Variants in PDE1C observed in about 807,000 individuals in gnomAD.
PDE1C encodes the protein phosphodiesterase 1C, also known as dual specificity calcium/calmodulin-dependent 3',5'-cyclic nucleotide phosphodiesterase 1C.
In PDE1C, 62 loss-of-function variants were observed where a neutral mutation model predicts 93.1. That is an observed-to-expected ratio of 0.67 (90% CI 0.54 to 0.82). PDE1C has a LOEUF of 0.82. Among genes scored for constraint, PDE1C ranks in the 40% least tolerant of loss-of-function variants. The probability of loss-of-function intolerance (pLI) is 0.00; values close to 1 mark genes in which losing one functional copy is unlikely to be tolerated. For synonymous variants in PDE1C, 325 were observed against 310.1 expected, an observed-to-expected ratio of 1.05 and a Z score of -0.50; for missense variants, 742 against 884.6, an observed-to-expected ratio of 0.84 and a Z score of 2.04.
chr7:32,286,161 C>T (rs542092299), intron 1 of PDE1C, among the ~76,000 whole-genome samples: 5 of 152,236 alleles, frequency 3.3e-5, no homozygotes, highest in South Asian at 2.1e-4. Flanking sequence ...CTCAGTTTCC[C>T]GCTTATAAAG....
At chr7:32,318,378 A>G (rs930976425) in intron 1 of PDE1C, among the ~76,000 whole-genome samples, 6 of 152,170 alleles carry the variant, frequency 3.9e-5, no homozygotes, top group African/African-American at 1.2e-4. Context: ...CAGCCCAAGC[A>G]CCAGGAACCT....
At chr7:31,768,757 C>G (rs955512299) in intron 17 of PDE1C, among the ~76,000 whole-genome samples, 1 of 152,102 alleles carries the variant, frequency 6.6e-6, no homozygotes, top group African/African-American at 2.4e-5. Flanking sequence ...CTCATACATT[C>G]CTTGTGGGTT....
chr7:32,178,037 G>T (rs1330088442), intron 2 of PDE1C, among the ~76,000 whole-genome samples: 1 of 152,126 alleles, frequency 6.6e-6, no homozygotes, highest in Non-Finnish European at 1.5e-5. Flanking sequence ...TAGCCCTTTG[G>T]GGTCTACCCA....
chr7:32,173,773 G>T (rs1802804132), intron 2 of PDE1C, among the ~76,000 whole-genome samples: 2 of 152,140 alleles, frequency 1.3e-5, no homozygotes, highest in South Asian at 4.1e-4. Context: ...CACCATAGAA[G>T]AAATCACCCT....
At chr7:32,201,660 A>G (rs946095143) in intron 2 of PDE1C, among the ~76,000 whole-genome samples, 1 of 152,208 alleles carries the variant, frequency 6.6e-6, no homozygotes, top group African/African-American at 2.4e-5. Flanking sequence ...GTGGAAATAA[A>G]GGGTAAAGAA....
At chr7:31,667,260 G>A in the PDE1C span, among the ~76,000 whole-genome samples, 1 of 152,148 alleles carries the variant, frequency 6.6e-6, no homozygotes, top group Non-Finnish European at 1.5e-5. Context: ...AGGTGACAGT[G>A]AATCTTTGGG....
intron 1 of PDE1C, among the ~76,000 whole-genome samples, chr7:32,402,494 G>T (rs367927451): frequency 6.6e-6 from 1 of 152,088 alleles, no homozygotes; most frequent in African/African-American, 2.4e-5. Context: ...GAGGAAGTTA[G>T]TCCTTCTTCC....
At chr7:32,394,818 A>C (rs1471893022) in intron 1 of PDE1C, among the ~76,000 whole-genome samples, 1 of 152,102 alleles carries the variant, frequency 6.6e-6, no homozygotes, top group Non-Finnish European at 1.5e-5. Flanking sequence ...TGTCTGAAAA[A>C]AATATCTAAA....
At chr7:32,033,418 G>A (rs576609007) in intron 2 of PDE1C, among the ~76,000 whole-genome samples, 25 of 152,102 alleles carry the variant, frequency 1.6e-4, no homozygotes, top group Admixed American at 6.5e-4. Context: ...TCAAAGGAGC[G>A]CAATTCCCTT....
At chr7:32,397,663 A>C (rs1163335313) in intron 1 of PDE1C, among the ~76,000 whole-genome samples, 1 of 152,204 alleles carries the variant, frequency 6.6e-6, no homozygotes, top group African/African-American at 2.4e-5. Context: ...AAACAATCTA[A>C]ATGCCTATAG....
intron 15 of PDE1C, among the ~76,000 whole-genome samples, chr7:31,811,165 T>C (rs560877164): frequency 6.6e-6 from 1 of 152,212 alleles, no homozygotes; most frequent in South Asian, 2.1e-4. Flanking sequence ...TGAATAAGTC[T>C]CACGAGGTCT....
At position 31,752,435 on chromosome 7, in the gene PDE1C, T is replaced by A. The variant is rs1022652358; in HGVS notation, c.*949A>T. On this transcript the variant is annotated 3_prime_UTR_variant, in exon 18 of 18. Transcript: ENST00000396191. Reference sequence around the variant, plus strand: ...AGCGTGCTGTGAAGAGGATCTGAAATGTAACTTAAAGGCATCTCTAGCCTA... The same window carrying A: ...AGCGTGCTGTGAAGAGGATCTGAAAAGTAACTTAAAGGCATCTCTAGCCTA... 2 of 152,106 alleles carry A rather than the reference T, an allele frequency of 1.3e-5. No individual in the cohort carries two copies. Among genetic ancestry groups the A allele is most frequent in the African/African-American group, 4.8e-5 (2 of 41,430 alleles). The allele number at this position is 152,106 out of a possible 1,614,324, so 9.4% of individuals were successfully genotyped here.
the PDE1C span, among the ~76,000 whole-genome samples, chr7:31,634,429 C>A: frequency 6.6e-6 from 1 of 152,096 alleles, no homozygotes. Flanking sequence ...ATCCTTATTG[C>A]AACCCCACAA....
At chr7:31,912,493 C>T (rs1274126521) in intron 2 of PDE1C, among the ~76,000 whole-genome samples, 1 of 152,016 alleles carries the variant, frequency 6.6e-6, no homozygotes, top group African/African-American at 2.4e-5. Flanking sequence ...TGAGATCAGC[C>T]TGGACACCAA....
chr7:31,864,069 C>T (rs1028222998), intron 7 of PDE1C, among the ~76,000 whole-genome samples: 4 of 151,996 alleles, frequency 2.6e-5, no homozygotes, highest in Admixed American at 6.6e-5. Flanking sequence ...AAGGAGATTT[C>T]GAAGTAAAAA....
At chr7:31,666,666 T>C in the PDE1C span, among the ~76,000 whole-genome samples, 1 of 152,196 alleles carries the variant, frequency 6.6e-6, no homozygotes, top group Non-Finnish European at 1.5e-5. Context: ...TAGAGTTCTA[T>C]GAATTTTGAC....
intron 3 of PDE1C, among the ~76,000 whole-genome samples, chr7:32,126,012 C>T (rs989331648): frequency 6.6e-6 from 1 of 151,922 alleles, no homozygotes; most frequent in South Asian, 2.1e-4. Context: ...AGACACCTGT[C>T]CCAATATGAT....
exon 1 of PDE1C, chr7:32,299,276 G>A: frequency 1.0e-6 from 1 of 986,918 alleles, no homozygotes; most frequent in Non-Finnish European, 1.2e-6. Flanking sequence ...CAGATGGAAA[G>A]GCAAACCCCT....
intron 1 of PDE1C, among the ~76,000 whole-genome samples, chr7:32,427,714 G>A (rs1228404752): frequency 1.4e-4 from 21 of 152,322 alleles, no homozygotes; most frequent in Non-Finnish European, 1.5e-5. Context: ...TTATGGACAC[G>A]AGGACGAGAA....
Sources: allele counts gnomAD v4.1 joint callset (sites outside exome capture counted in the v4.1 genomes callset), GRCh38; gene constraint gnomAD v4.1.1; transcripts MANE v1.5; gene names NCBI Gene and HGNC (gene_info 2026-07-23, HGNC 2026-07-21).